The following MSH3 variants were observed in gnomAD, a reference collection of about 807,000 sequenced individuals.
MSH3 encodes the protein DNA mismatch repair protein Msh3.
MSH3 carries 106 observed loss-of-function variants against 123.3 expected under a neutral mutation model. The ratio of observed to expected loss-of-function variants is 0.86; its 90% CI spans 0.73 to 1.01. The LOEUF (loss-of-function observed/expected upper bound fraction) is 1.01. Ranked by LOEUF, MSH3 falls within the 50% of genes least tolerant of loss-of-function variation. The probability of loss-of-function intolerance (pLI) is 0.00; values close to 1 mark genes in which losing one functional copy is unlikely to be tolerated. For synonymous variants in MSH3, 515 were observed against 481.4 expected (o/e 1.07, Z -0.91); for missense variants, 1,459 against 1,347.6 (o/e 1.08, Z -1.29).
intron 20 of MSH3, 42 bp downstream of exon 20, chr5:80,813,783 G>T: frequency 1.9e-6 from 3 of 1,604,284 alleles, no homozygotes; most frequent in Non-Finnish European, 2.6e-6. Context: ...TTGAAAATAA[G>T]TCAAGCCCAC....
rs149398756 is a variant in MSH3 at position 80,764,241 on chromosome 5, G to A, written c.1896+2563G>A. Among the ~76,000 whole-genome samples, 947 of 152,376 alleles carry A rather than the reference G, an allele frequency of 6.2e-3. 7 individuals are homozygous for A. The highest frequency in any genetic ancestry group is 0.042 in the South Asian group (205 of 4,826). ...CATAAAATGAGAAGGAACACTGGAT[G>A]TTGTGGGAAGTGGTTAGCATAGGCT... is the stretch of plus-strand genomic sequence containing the variant. On this transcript the variant is annotated intron_variant, in intron 13 of 23. Transcript: ENST00000265081.
At chr5:80,847,090 C>T (rs908225671) in intron 20 of MSH3, among the ~76,000 whole-genome samples, 5 of 152,170 alleles carry the variant, frequency 3.3e-5, no homozygotes, top group Middle Eastern at 3.4e-3. Flanking sequence ...GACAGATTCT[C>T]GCTCTCTTGC....
chr5:80,654,744 C>T lies in MSH3; in HGVS notation c.17C>T (p.Pro6Leu). The change falls in exon 1 of 24, where the codon CCT becomes CTT. Residue 6 changes from proline to leucine, a missense_variant. Transcript: ENST00000265081. ...TGCCCTGCCATGTCTCGCCGGAAGC[C>T]TGCGTCGGGCGGCCTCGCTGCCTCC... MSRRK[P>L]ASGGLAASSS... 1.2e-6 allele frequency: 2 copies of T among 1,602,256 alleles called. No homozygotes were observed. The highest frequency in any genetic ancestry group is 1.7e-4 in the Middle Eastern group (1 of 6,032).
chr5:80,707,048 C>T (rs1750742297), intron 8 of MSH3, among the ~76,000 whole-genome samples: 1 of 152,234 alleles, frequency 6.6e-6, no homozygotes. Context: ...CCACCTCCCA[C>T]TCCAAGCAAC....
chr5:80,751,913 G>A (rs1470269657), intron 12 of MSH3, among the ~76,000 whole-genome samples: 1 of 151,968 alleles, frequency 6.6e-6, no homozygotes. Flanking sequence ...CAAGTGTTTT[G>A]ATTATTATTT....
intron 20 of MSH3, among the ~76,000 whole-genome samples, chr5:80,823,254 G>A (rs1249635485): frequency 6.6e-6 from 1 of 152,104 alleles, no homozygotes; most frequent in African/African-American, 2.4e-5. Context: ...TAAAATAAAT[G>A]TGTGAAAAAA....
At chr5:80,843,352 G>A (rs1203746059) in intron 20 of MSH3, among the ~76,000 whole-genome samples, 4 of 152,150 alleles carry the variant, frequency 2.6e-5, no homozygotes, top group Non-Finnish European at 5.9e-5. Context: ...CAGGGATATT[G>A]GTCTAAAATT....
chr5:80,679,879 A>G (rs1749931972), intron 8 of MSH3, among the ~76,000 whole-genome samples: 1 of 152,204 alleles, frequency 6.6e-6, no homozygotes, highest in Non-Finnish European at 1.5e-5. Flanking sequence ...CTGGGGCTTC[A>G]GCGAAGTAGA....
chr5:80,668,140 G>A (rs1749612488), intron 3 of MSH3, among the ~76,000 whole-genome samples: 1 of 152,148 alleles, frequency 6.6e-6, no homozygotes, highest in Non-Finnish European at 1.5e-5. Flanking sequence ...ACCCTGGAGT[G>A]GGTAGCTCCT....
chr5:80,853,469 C>T (rs1745863860), intron 20 of MSH3, among the ~76,000 whole-genome samples: 1 of 149,740 alleles, frequency 6.7e-6, no homozygotes, highest in Admixed American at 6.7e-5. Context: ...GAATGAAACC[C>T]TGTCCAAAAA....
intron 4 of MSH3, among the ~76,000 whole-genome samples, chr5:80,671,020 G>A (rs1368448544): frequency 2.0e-5 from 3 of 152,038 alleles, no homozygotes; most frequent in Non-Finnish European, 4.4e-5. Context: ...CTCCTCAGGA[G>A]GCTGAGGCAG....
intron 21 of MSH3, 123 bp from the exon 22 acceptor site, chr5:80,864,690 T>C (rs1746069755): frequency 5.0e-6 from 4 of 794,568 alleles, no homozygotes; most frequent in Non-Finnish European, 8.2e-6. Flanking sequence ...TAATAATTGG[T>C]CGTTGTACTT....
chr5:80,846,048 C>A (rs1745714225), intron 20 of MSH3, among the ~76,000 whole-genome samples: 1 of 152,130 alleles, frequency 6.6e-6, no homozygotes, highest in African/African-American at 2.4e-5. Flanking sequence ...GTTTTATCTA[C>A]CTTTGTTCTT....
In MSH3 at chr5:80,778,030, T is replaced by C. The variant is rs6151819; in HGVS notation, c.2319-690T>C. The stretch of plus-strand genomic sequence containing the variant: ...GAAGGTCTGTTTCATTTGCCCCAAA[T>C]CACATAGCTAGTAAGTAAGTGGCAG... On this transcript the variant is annotated intron_variant, in intron 16 of 23. Transcript: ENST00000265081. Among the ~76,000 whole-genome samples, 471 of 152,316 alleles carry C rather than the reference T, an allele frequency of 3.1e-3. 3 individuals carry two copies. The highest frequency in any genetic ancestry group is 0.013 in the South Asian group (62 of 4,826).
At chr5:80,696,406 G>A (rs1750480702) in intron 8 of MSH3, among the ~76,000 whole-genome samples, 1 of 152,172 alleles carries the variant, frequency 6.6e-6, no homozygotes, top group South Asian at 2.1e-4. Context: ...CTTGGCTAGA[G>A]TAGAGCGGTT....
intron 21 of MSH3, among the ~76,000 whole-genome samples, chr5:80,854,843 C>T (rs1403955425): frequency 6.6e-6 from 1 of 152,144 alleles, no homozygotes; most frequent in African/African-American, 2.4e-5. Flanking sequence ...AGAATTATAT[C>T]TTATTATCCT....
In MSH3 at chr5:80,679,001, C is replaced by G. The variant is rs1239007255; in HGVS notation, c.1248C>G (p.Thr416=). The change falls in exon 8 of 24, where the codon ACC becomes ACG. Residue 416 remains threonine (T), a synonymous_variant. Coordinates refer to ENST00000265081, the MANE Select transcript of MSH3 (RefSeq NM_002439.5). ...QDSASRSELE[T]RMSSLQPVEL... is the part of the protein sequence containing the mutation. ...CTGCTTCTCGTTCAGAGCTAGAAAC[C>G]CGGATGTCAAGCCTGCAGCCAGTAG... 2 of 1,614,080 alleles carry G rather than the reference C, an allele frequency of 1.2e-6. No homozygotes were observed. Among genetic ancestry groups the G allele is most frequent in the Admixed American group, 1.7e-5 (1 of 60,010 alleles).
chr5:80,671,200 A>C (rs551624504), intron 4 of MSH3, among the ~76,000 whole-genome samples: 1 of 152,260 alleles, frequency 6.6e-6, no homozygotes, highest in Non-Finnish European at 1.5e-5. Flanking sequence ...TTGAAAGTGA[A>C]ATTTGAACAT....
intron 11 of MSH3, among the ~76,000 whole-genome samples, chr5:80,742,835 C>T (rs573205959): frequency 2.6e-5 from 4 of 152,328 alleles, no homozygotes; most frequent in African/African-American, 9.6e-5. Flanking sequence ...TGATAGCCTG[C>T]AGCCAGCCCT....
Sources: allele counts gnomAD v4.1 joint callset (sites outside exome capture counted in the v4.1 genomes callset), GRCh38; gene constraint gnomAD v4.1.1; transcripts MANE v1.5; gene names NCBI Gene and HGNC (gene_info 2026-07-23, HGNC 2026-07-21).